LCLAT1: variants seen among roughly 807,000 people sequenced by gnomAD.
The protein encoded by LCLAT1 is 1-AGP acyltransferase 8.
In LCLAT1, 11 loss-of-function variants were observed where a neutral mutation model predicts 30.7. That is an observed-to-expected ratio of 0.36 (90% CI 0.23 to 0.59). The LOEUF (loss-of-function observed/expected upper bound fraction) is 0.59, where lower values mean the gene tolerates loss of function less well. LCLAT1 is among the 20% of genes least tolerant of loss of function. LCLAT1 has a pLI of 0.77. For synonymous variants in LCLAT1, 155 were observed against 151.3 expected, an observed-to-expected ratio of 1.02 and a Z score of -0.18; for missense variants, 402 against 458.6, an observed-to-expected ratio of 0.88 and a Z score of 1.13.
chr2:30,522,040 T>A (rs1685503365), intron 1 of LCLAT1, among the ~76,000 whole-genome samples: 1 of 152,206 alleles, frequency 6.6e-6, no homozygotes, highest in Non-Finnish European at 1.5e-5. Flanking sequence ...TAGTTTGTCG[T>A]TATTCTGAGT....
chr2:30,575,958 T>C (rs1665978340), intron 5 of LCLAT1, among the ~76,000 whole-genome samples: 1 of 152,128 alleles, frequency 6.6e-6, no homozygotes, highest in Non-Finnish European at 1.5e-5. Flanking sequence ...TTGTGAAAGG[T>C]AGGTCCAGGT....
chr2:30,532,373 C>T (rs937207206), intron 2 of LCLAT1, among the ~76,000 whole-genome samples: 2 of 152,022 alleles, frequency 1.3e-5, no homozygotes, highest in Non-Finnish European at 2.9e-5. Flanking sequence ...CAAATATTAA[C>T]TAGTAAATTT....
chr2:30,513,365 T>A (rs1320357654), intron 1 of LCLAT1, among the ~76,000 whole-genome samples: 1 of 152,010 alleles, frequency 6.6e-6, no homozygotes, highest in Non-Finnish European at 1.5e-5. Flanking sequence ...TTTTCCTGCA[T>A]TTTTGGAAAA....
intron 1 of LCLAT1, among the ~76,000 whole-genome samples, chr2:30,515,351 C>T (rs149931894): frequency 3.9e-5 from 6 of 152,258 alleles, no homozygotes; most frequent in Admixed American, 6.5e-5. Context: ...CTGAGAGTAA[C>T]GCTAGTTGCT....
intron 5 of LCLAT1, among the ~76,000 whole-genome samples, chr2:30,608,744 G>C (rs1261427983): frequency 6.6e-6 from 1 of 152,088 alleles, no homozygotes; most frequent in Admixed American, 6.5e-5. Flanking sequence ...GTGTGAGTAT[G>C]CTCTATGATG....
chr2:30,577,822 A>G (rs996555101), intron 5 of LCLAT1, among the ~76,000 whole-genome samples: 6 of 152,046 alleles, frequency 3.9e-5, no homozygotes, highest in African/African-American at 1.2e-4. Context: ...GTCTTTGACC[A>G]TGGCCATTAT....
chr2:30,536,038 C>A (rs1428562068), intron 3 of LCLAT1, among the ~76,000 whole-genome samples: 1 of 151,692 alleles, frequency 6.6e-6, no homozygotes, highest in Non-Finnish European at 1.5e-5. Flanking sequence ...AGAGCTTCAA[C>A]AATAAACTAG....
In LCLAT1 at chr2:30,561,098, C is replaced by T. The variant is rs368471553; in HGVS notation, c.365-1048C>T. Among the ~76,000 whole-genome samples, 15 of 152,010 alleles carry T rather than the reference C, an allele frequency of 9.9e-5. No homozygotes were observed. In the East Asian group the frequency reaches 1.7e-3, roughly 18 times the overall value. On this transcript the variant is annotated intron_variant, in intron 3 of 5. Transcript: ENST00000379509. Reference sequence around the variant, plus strand: ...CTGGAATTACAGGCACCTGCCACCACGCCTGGCTAATTTTTTGTATTTTTA... The same window carrying T: ...CTGGAATTACAGGCACCTGCCACCATGCCTGGCTAATTTTTTGTATTTTTA...
chr2:30,559,190 A>G (rs1189513525), intron 3 of LCLAT1, among the ~76,000 whole-genome samples: 1 of 152,220 alleles, frequency 6.6e-6, no homozygotes, highest in East Asian at 1.9e-4. Flanking sequence ...GAGGGGAAGT[A>G]TTGACTGGAA....
intron 5 of LCLAT1, among the ~76,000 whole-genome samples, chr2:30,615,844 A>G (rs1181326227): frequency 6.6e-6 from 1 of 152,214 alleles, no homozygotes; most frequent in Non-Finnish European, 1.5e-5. Context: ...ACTAAATCAG[A>G]TTACTTGCCG....
chr2:30,592,447 A>G (rs923584402), intron 5 of LCLAT1, among the ~76,000 whole-genome samples: 1 of 152,130 alleles, frequency 6.6e-6, no homozygotes. Flanking sequence ...TTGCACCACC[A>G]TACTCCAGCC....
rs376154500 is a variant in LCLAT1 at position 30,640,407 on chromosome 2, G to T, written c.919G>T (p.Val307Phe). The change falls in exon 6 of 6, where the codon GTC (valine) becomes TTC (phenylalanine). Residue 307 changes from valine (V) to phenylalanine (F), a missense_variant. Physicochemically the swap from Val to Phe is conservative, Grantham distance 50. Transcript: ENST00000379509. ...PCKSELRVLV[V>F]KLLSILYWTL... Reference sequence around the variant, plus strand: ...CAAGTCTGAACTCAGGGTCCTTGTGGTCAAATTGCTCTCTATACTGTATTG... The same window carrying T: ...CAAGTCTGAACTCAGGGTCCTTGTGTTCAAATTGCTCTCTATACTGTATTG... 7 of 1,614,084 alleles carry T rather than the reference G, an allele frequency of 4.3e-6. No homozygotes were observed. Among genetic ancestry groups the T allele is most frequent in the Non-Finnish European group, 5.9e-6 (7 of 1,180,046 alleles).
At chr2:30,475,642 T>C (rs1182290776) in intron 1 of LCLAT1, among the ~76,000 whole-genome samples, 1 of 152,214 alleles carries the variant, frequency 6.6e-6, no homozygotes, top group Admixed American at 6.5e-5. Flanking sequence ...CATGCCTGTT[T>C]TATACAACTC....
chr2:30,606,007 G>A, intron 5 of LCLAT1: 1 of 1,295,014 alleles, frequency 7.7e-7, no homozygotes, highest in Non-Finnish European at 1.0e-6. Flanking sequence ...TCCCCACTCT[G>A]TTGATCAGGC....
intron 5 of LCLAT1, among the ~76,000 whole-genome samples, chr2:30,584,910 T>G (rs1306239488): frequency 6.8e-6 from 1 of 146,826 alleles, no homozygotes; most frequent in Non-Finnish European, 1.5e-5. Context: ...GAAGAACCAC[T>G]TGCTGCCCTG....
intron 1 of LCLAT1, among the ~76,000 whole-genome samples, chr2:30,450,482 A>G (rs1395110038): frequency 6.6e-6 from 1 of 152,140 alleles, no homozygotes; most frequent in Non-Finnish European, 1.5e-5. Flanking sequence ...CTTCCACTTT[A>G]TGCTACAAAA....
At chr2:30,576,225 G>A (rs1665987580) in intron 5 of LCLAT1, among the ~76,000 whole-genome samples, 1 of 152,128 alleles carries the variant, frequency 6.6e-6, no homozygotes, top group Non-Finnish European at 1.5e-5. Flanking sequence ...AATTTTGGAA[G>A]CAGCTTTTGT....
intron 1 of LCLAT1, among the ~76,000 whole-genome samples, chr2:30,457,461 G>A (rs1681888116): frequency 6.6e-6 from 1 of 152,282 alleles, no homozygotes; most frequent in African/African-American, 2.4e-5. Context: ...TTACAACCTT[G>A]TAAGTTGTGA....
chr2:30,448,107 T>C (rs1662955), intron 1 of LCLAT1, among the ~76,000 whole-genome samples: 33,911 of 152,230 alleles, frequency 0.22, 3,871 homozygotes, highest in East Asian at 0.35. Context: ...GTGGCTTCCC[T>C]GGAAATACTG....
Sources: gnomAD v4.1 joint callset for allele counts (sites outside exome capture counted in the v4.1 genomes callset) on GRCh38, gnomAD v4.1.1 for gene constraint, MANE v1.5 for transcripts, NCBI Gene and HGNC (gene_info 2026-07-23, HGNC 2026-07-21) for gene names.